The following ARHGEF9 variants were observed in gnomAD, a reference collection of about 807,000 sequenced individuals.
The protein encoded by ARHGEF9 is rho guanine nucleotide exchange factor 9.
A neutral mutation model predicts 41.3 loss-of-function variants in ARHGEF9; 2 were observed. The ratio of observed to expected loss-of-function variants is 0.05; its 90% CI spans 0.02 to 0.15. ARHGEF9 has a LOEUF of 0.15. Among genes scored for constraint, ARHGEF9 ranks in the 10% least tolerant of loss-of-function variants. ARHGEF9 has a pLI of 1.00. For synonymous variants in ARHGEF9, 160 were observed against 154.4 expected (o/e 1.04, Z -0.27); for missense variants, 225 against 424.7 (o/e 0.53, Z 4.13).
chrX:63,719,350 T>G (rs2147592953), intron 2 of ARHGEF9, among the ~76,000 whole-genome samples: 1 of 112,343 alleles, frequency 8.9e-6, no homozygotes, highest in East Asian at 2.8e-4. Context: ...GCCTTTAGTC[T>G]GGAATGGAAG....
At chrX:63,784,535 C>T (rs1217597041) in intron 1 of ARHGEF9, among the ~76,000 whole-genome samples, 3 of 112,324 alleles carry the variant, frequency 2.7e-5, no homozygotes, top group African/African-American at 9.7e-5. Flanking sequence ...CAGGGTGACC[C>T]CAGCCCGGAC....
rs59012226 is a variant in ARHGEF9 at position 63,713,701 on chromosome X, TACAC to T, written c.211-7256_211-7253del. The stretch of plus-strand genomic sequence containing the variant: ...TTGCAAGCAGAGCTCCCACTTCACA[TACAC>T]ACACACACACACACACACACACACA... On this transcript the variant is annotated intron_variant, in intron 2 of 9. Coordinates refer to ENST00000671741, the MANE Select transcript of ARHGEF9 (RefSeq NM_001353921.2). Among the ~76,000 whole-genome samples the T allele has an allele frequency of 3.7e-4, 35 of 94,222 alleles. 1 individual carries two copies. The highest frequency in any genetic ancestry group is 0.011 in the Middle Eastern group (2 of 175). The allele number at this position is 94,222 out of a possible 115,157, so 81.8% of individuals were successfully genotyped here. A position where few individuals can be genotyped will look rare whatever the true frequency, so the allele number is the denominator to read the frequency against.
intron 1 of ARHGEF9, among the ~76,000 whole-genome samples, chrX:63,782,665 CG>C (rs782178453): frequency 1.1e-3 from 125 of 112,456 alleles, no homozygotes; most frequent in African/African-American, 3.8e-3. Flanking sequence ...GTTTGTACTT[CG>C]GGCACCTTGC....
At chrX:63,776,873 C>A (rs1259468550) in intron 1 of ARHGEF9, among the ~76,000 whole-genome samples, 1 of 111,311 alleles carries the variant, frequency 9.0e-6, no homozygotes, top group Middle Eastern at 4.2e-3. Context: ...TCATCAATAC[C>A]TCCCAATCCC....
At chrX:63,732,049 A>T (rs1355191444) in intron 1 of ARHGEF9, 1 of 111,910 alleles carries the variant, frequency 8.9e-6, no homozygotes, top group Non-Finnish European at 1.9e-5. Flanking sequence ...TTTCTGCTCA[A>T]AAAAATGAGA....
chrX:63,672,686 C>T (rs2050032609), intron 6 of ARHGEF9, among the ~76,000 whole-genome samples: 1 of 111,221 alleles, frequency 9.0e-6, no homozygotes, highest in Admixed American at 9.5e-5. Flanking sequence ...TGGGGAGATG[C>T]TCCAGGGAAT....
intron 4 of ARHGEF9, 106 bp from the exon 5 acceptor site, chrX:63,678,678 GATA>G (rs1294395371): frequency 7.6e-6 from 4 of 529,156 alleles, no homozygotes; most frequent in East Asian, 7.2e-5. Flanking sequence ...ATATTAAAAT[GATA>G]ATGAGTCAAT....
chrX:63,725,429 G>T (rs2053899215), intron 1 of ARHGEF9, among the ~76,000 whole-genome samples: 1 of 112,382 alleles, frequency 8.9e-6, no homozygotes, highest in African/African-American at 3.2e-5. Context: ...TTCTGCATTT[G>T]ATGGATGGCA....
Position 63,655,564 on chromosome X carries a change from C to T in ARHGEF9, c.1251G>A (p.Leu417=). 5 of 1,211,357 alleles carry T rather than the reference C, an allele frequency of 4.1e-6. No individual in the cohort carries two copies. Among genetic ancestry groups the T allele is most frequent in the Non-Finnish European group, 5.6e-6 (5 of 895,290 alleles). Residue 417 remains leucine (L), a synonymous_variant, in exon 8 of 10, where the codon CTG becomes CTA. Coordinates refer to ENST00000671741, the MANE Select transcript of ARHGEF9 (RefSeq NM_001353921.2). Reference sequence around the variant, plus strand: ...CCCTGAGCCAGCGTATTTTTTCCTCCAGCTTCTTGGCAAAGAACAGATGTA... The same window carrying T: ...CCCTGAGCCAGCGTATTTTTTCCTCTAGCTTCTTGGCAAAGAACAGATGTA... ...EEIHLFFAKK[L]EEKIRWLRAF...
chrX:63,751,627 A>G (rs1305706313), intron 1 of ARHGEF9, among the ~76,000 whole-genome samples: 43 of 112,007 alleles, frequency 3.8e-4, no homozygotes, highest in Non-Finnish European at 6.6e-4. Flanking sequence ...CAGCTAAATT[A>G]CTAATGGAAG....
chrX:63,644,075 T>A (rs1421928513), intron 8 of ARHGEF9, 27 bp from the exon 9 acceptor site: 5 of 1,139,312 alleles, frequency 4.4e-6, no homozygotes, highest in Admixed American at 2.2e-5. Flanking sequence ...TATGATTTTT[T>A]AAATGAGAAA....
intron 3 of ARHGEF9, among the ~76,000 whole-genome samples, chrX:63,704,211 G>GA (rs1238597301): frequency 3.6e-5 from 4 of 112,280 alleles, no homozygotes; most frequent in Non-Finnish European, 7.5e-5. Flanking sequence ...TTAATTTTAT[G>GA]AAAAACACTA....
At chrX:63,737,930 C>G (rs1299703159) in intron 1 of ARHGEF9, among the ~76,000 whole-genome samples, 1 of 112,301 alleles carries the variant, frequency 8.9e-6, no homozygotes, top group Non-Finnish European at 1.9e-5. Context: ...AAATGGCTAA[C>G]ATTTATTGAA....
At chrX:63,729,583 C>T (rs1238567713) in intron 1 of ARHGEF9, among the ~76,000 whole-genome samples, 1 of 111,739 alleles carries the variant, frequency 8.9e-6, no homozygotes, top group Non-Finnish European at 1.9e-5. Flanking sequence ...GTTTATATTC[C>T]CTCCCTGCCA....
At chrX:63,653,331 C>T (rs1255639143) in intron 8 of ARHGEF9, among the ~76,000 whole-genome samples, 1 of 111,461 alleles carries the variant, frequency 9.0e-6, no homozygotes, top group Non-Finnish European at 1.9e-5. Context: ...TGGCCTATGT[C>T]CATGGGTTTG....
rs2051819998 is a variant in ARHGEF9, at chrX:63,697,278, T to A, written c.429A>T (p.Arg143Ser). The A allele has an allele frequency of 8.3e-7, 1 of 1,209,108 alleles. No homozygotes were observed. Among genetic ancestry groups the A allele is most frequent in the Non-Finnish European group, 1.1e-6 (1 of 894,873 alleles). ...GTTGCTCGTCACTGAACATGTCCCT[T>A]CTCTTCCGGCACTGCTTCAGATAGC... ...CEGYLKQCRKRRDMFSDEQLK... is the reference protein window; with the variant it reads ...CEGYLKQCRKSRDMFSDEQLK... The change falls in exon 4 of 10, where the codon AGA (arginine) becomes AGT (serine). Residue 143 changes from arginine (R) to serine (S), a missense_variant. Arg to Ser is a moderately radical substitution (Grantham distance 110). Around this residue, in one of 3 missense-constraint regions of ARHGEF9, gnomAD observed 114 missense variants for 197.9 expected, o/e 0.58. Coordinates refer to ENST00000671741, the MANE Select transcript of ARHGEF9 (RefSeq NM_001353921.2).
chrX:63,767,906 T>C (rs781991158), intron 1 of ARHGEF9, among the ~76,000 whole-genome samples: 124 of 112,092 alleles, frequency 1.1e-3, no homozygotes, highest in Non-Finnish European at 1.2e-3. Context: ...ATTCCCCCTC[T>C]TCCAGCCTTA....
At chrX:63,644,759 A>AT (rs782256461) in intron 8 of ARHGEF9, among the ~76,000 whole-genome samples, 8 of 96,592 alleles carry the variant, frequency 8.3e-5, no homozygotes, top group South Asian at 8.4e-4. Context: ...TATTATTATT[A>AT]TTATTTTTTT....
chrX:63,662,741 T>C (rs2049295973), intron 7 of ARHGEF9, among the ~76,000 whole-genome samples: 1 of 112,225 alleles, frequency 8.9e-6, no homozygotes, highest in African/African-American at 3.2e-5. Context: ...GAGGATTAAA[T>C]TGAGTTAATA....
Sources: gnomAD v4.1 joint callset for allele counts (sites outside exome capture counted in the v4.1 genomes callset) on GRCh38, gnomAD v4.1.1 for gene constraint, gnomAD v4.1.1 regional missense constraint, MANE v1.5 for transcripts, NCBI Gene and HGNC (gene_info 2026-07-23, HGNC 2026-07-21) for gene names.